The following CDH13 variants were observed in gnomAD, a reference collection of about 807,000 sequenced individuals.
The protein encoded by CDH13 is cadherin 13.
CDH13 carries 24 observed loss-of-function variants against 63.8 expected under a neutral mutation model. The ratio of observed to expected loss-of-function variants is 0.38; its 90% CI spans 0.27 to 0.53. The LOEUF (loss-of-function observed/expected upper bound fraction) is 0.53. Among genes scored for constraint, CDH13 ranks in the 20% least tolerant of loss-of-function variants. CDH13 has a pLI of 0.85. For synonymous variants in CDH13, 503 were observed against 355.3 expected, an observed-to-expected ratio of 1.42 and a Z score of -4.67; for missense variants, 1,049 against 903.1, an observed-to-expected ratio of 1.16 and a Z score of -2.07.
chr16:83,159,741 A>G (rs1171942279), intron 4 of CDH13, among the ~76,000 whole-genome samples: 2 of 152,200 alleles, frequency 1.3e-5, no homozygotes, highest in East Asian at 1.9e-4. Flanking sequence ...TGTCAAGCAT[A>G]TAAAACTGTA....
At chr16:82,975,400 G>T (rs994235002) in intron 2 of CDH13, among the ~76,000 whole-genome samples, 6 of 152,178 alleles carry the variant, frequency 3.9e-5, no homozygotes, top group Non-Finnish European at 5.9e-5. Context: ...TCAGGCCTGG[G>T]TGTCAGTCAC....
In CDH13 at chr16:82,933,962, A is replaced by G. The variant is rs1295611411; in HGVS notation, c.157+75489A>G. Among the ~76,000 whole-genome samples the G allele has an allele frequency of 5.3e-5, 8 of 152,268 alleles. No individual in the cohort carries two copies. The South Asian group carries it at 1.7e-3, about 32-fold the overall frequency. On this transcript the variant is annotated intron_variant, in intron 2 of 13. Transcript: ENST00000567109. ...CTCCTGGCTGCTTTCATGGGCTGGC[A>G]GCGTCTATGACTTTTCCAGGTGCTC...
chr16:82,630,808 G>A (rs1194639561), intron 1 of CDH13, among the ~76,000 whole-genome samples: 1 of 152,102 alleles, frequency 6.6e-6, no homozygotes, highest in African/African-American at 2.4e-5. Flanking sequence ...TATCATCTAC[G>A]TAGCCAACAG....
intron 1 of CDH13, among the ~76,000 whole-genome samples, chr16:82,766,481 T>C (rs971704716): frequency 3.9e-5 from 6 of 152,188 alleles, no homozygotes; most frequent in African/African-American, 1.4e-4. Flanking sequence ...CAGACCTGGG[T>C]TGGAATCCTG....
At chr16:83,154,731 A>G (rs2037136384) in intron 4 of CDH13, among the ~76,000 whole-genome samples, 2 of 152,368 alleles carry the variant, frequency 1.3e-5, no homozygotes, top group South Asian at 4.1e-4. Context: ...AGACCCTGCC[A>G]GTGAAGAACT....
intron 8 of CDH13, among the ~76,000 whole-genome samples, chr16:83,646,710 A>ACAC (rs1555507964): frequency 3.9e-5 from 3 of 76,762 alleles, no homozygotes; most frequent in East Asian, 6.9e-4. Context: ...AAAAAAAAAA[A>ACAC]AAACACACAC....
intron 2 of CDH13, among the ~76,000 whole-genome samples, chr16:82,932,864 T>A (rs1400268683): frequency 6.6e-6 from 1 of 152,190 alleles, no homozygotes; most frequent in Non-Finnish European, 1.5e-5. Flanking sequence ...TTCTAAACAA[T>A]GAACTTTACT....
chr16:82,629,701 G>A (rs369688420), intron 1 of CDH13, among the ~76,000 whole-genome samples: 50 of 152,290 alleles, frequency 3.3e-4, no homozygotes, highest in African/African-American at 1.0e-3. Context: ...GTTGTTTTAG[G>A]CATTTTGGTA....
intron 1 of CDH13, among the ~76,000 whole-genome samples, chr16:82,672,425 G>A (rs1451461735): frequency 6.6e-6 from 1 of 152,080 alleles, no homozygotes; most frequent in Non-Finnish European, 1.5e-5. Context: ...ATCTATCTAG[G>A]CCGTGATGAC....
At chr16:83,432,620 C>T (rs2151484849) in intron 6 of CDH13, among the ~76,000 whole-genome samples, 1 of 152,280 alleles carries the variant, frequency 6.6e-6, no homozygotes, top group Non-Finnish European at 1.5e-5. Context: ...GGGACTGGAG[C>T]CACCACGTGT....
At chr16:83,427,676 C>G (rs905409211) in intron 6 of CDH13, among the ~76,000 whole-genome samples, 2 of 152,130 alleles carry the variant, frequency 1.3e-5, no homozygotes, top group Non-Finnish European at 2.9e-5. Context: ...GTGCCTTGTG[C>G]CTTCAGGATT....
intron 5 of CDH13, among the ~76,000 whole-genome samples, chr16:83,265,512 C>T: frequency 6.6e-6 from 1 of 152,126 alleles, no homozygotes; most frequent in East Asian, 1.9e-4. Flanking sequence ...TACATTTCTT[C>T]AACTTTATCT....
chr16:83,684,873 C>G (rs879558799), intron 10 of CDH13, among the ~76,000 whole-genome samples: 1 of 151,984 alleles, frequency 6.6e-6, no homozygotes, highest in East Asian at 1.9e-4. Flanking sequence ...TCAGAGCAGA[C>G]GGAAGTTGAT....
chr16:82,990,645 C>G (rs1911552006), intron 2 of CDH13, among the ~76,000 whole-genome samples: 1 of 151,208 alleles, frequency 6.6e-6, no homozygotes, highest in African/African-American at 2.4e-5. Context: ...CTCCTGGGCT[C>G]AAGTGATTCT....
chr16:83,654,088 T>C (rs1268011363), intron 8 of CDH13, among the ~76,000 whole-genome samples: 1 of 151,874 alleles, frequency 6.6e-6, no homozygotes, highest in East Asian at 1.9e-4. Flanking sequence ...GGGATGGGCA[T>C]GTGGCTAGGG....
At chr16:82,790,333 G>A (rs55746333) in intron 1 of CDH13, among the ~76,000 whole-genome samples, 36,765 of 152,008 alleles carry the variant, frequency 0.24, 5,171 homozygotes, top group South Asian at 0.4. Flanking sequence ...TACTCAGGAG[G>A]TTGAGGCAGG....
At chr16:83,708,964 T>A (rs747649453) in intron 10 of CDH13, among the ~76,000 whole-genome samples, 1 of 152,094 alleles carries the variant, frequency 6.6e-6, no homozygotes, top group Non-Finnish European at 1.5e-5. Context: ...GCGGAGGTTG[T>A]GATGAGCCAA....
intron 5 of CDH13, among the ~76,000 whole-genome samples, chr16:83,223,540 G>T (rs747540672): frequency 6.6e-6 from 1 of 152,178 alleles, no homozygotes; most frequent in Non-Finnish European, 1.5e-5. Flanking sequence ...ACTTTGCTCT[G>T]ATGCTCACAA....
chr16:82,835,939 G>T (rs772615867), intron 1 of CDH13, among the ~76,000 whole-genome samples: 4 of 152,126 alleles, frequency 2.6e-5, no homozygotes, highest in African/African-American at 7.2e-5. Context: ...GGCTCTTGAG[G>T]CTCCTCAAGT....
Sources: gnomAD v4.1 joint callset for allele counts (sites outside exome capture counted in the v4.1 genomes callset) on GRCh38, gnomAD v4.1.1 for gene constraint, MANE v1.5 for transcripts, NCBI Gene and HGNC (gene_info 2026-07-23, HGNC 2026-07-21) for gene names.